PARVB: variants seen among roughly 807,000 people sequenced by gnomAD.
PARVB encodes parvin beta.
In PARVB, 46 loss-of-function variants were observed where a neutral mutation model predicts 47.0. That is an observed-to-expected ratio of 0.98 (90% confidence interval 0.77 to 1.25). PARVB has a LOEUF of 1.25. PARVB is among the 50% of genes most tolerant of loss of function. PARVB has a pLI of 0.00. For synonymous variants in PARVB, 196 were observed against 196.3 expected (o/e 1.00, Z 0.01); for missense variants, 473 against 471.6 (o/e 1.00, Z -0.03).
At chr22:44,022,751 T>A (rs1179074978), upstream of PARVB, among the ~76,000 whole-genome samples, 8 of 151,980 alleles carry the variant, frequency 5.3e-5, no homozygotes, top group East Asian at 1.9e-4. Context: ...TTTTTTATTT[T>A]TTTTTTATTT....
intron 4 of PARVB, among the ~76,000 whole-genome samples, chr22:44,122,586 G>GAGAGAGAGAGAGAC (rs2053093083): frequency 7.5e-6 from 1 of 134,220 alleles, no homozygotes; most frequent in Non-Finnish European, 1.6e-5. Context: ...GAGAGAGAGA[G>GAGAGAGAGAGAGAC]AGAGAGAGAG....
At chr22:44,085,061 C>G (rs1330621542) in intron 1 of PARVB, among the ~76,000 whole-genome samples, 1 of 152,184 alleles carries the variant, frequency 6.6e-6, no homozygotes, top group Non-Finnish European at 1.5e-5. Flanking sequence ...CCTTTCATTT[C>G]TTTTTCTGTG....
chr22:44,101,007 C>T (rs974582765), intron 3 of PARVB, among the ~76,000 whole-genome samples: 24 of 152,222 alleles, frequency 1.6e-4, no homozygotes, highest in Non-Finnish European at 2.9e-4. Flanking sequence ...TTTTAAAAAG[C>T]TTCTCCACCT....
chr22:44,030,181 C>T (rs2050800673), intron 1 of PARVB, among the ~76,000 whole-genome samples: 3 of 152,266 alleles, frequency 2.0e-5, no homozygotes, highest in Admixed American at 2.0e-4. Flanking sequence ...GCCTTTCCCC[C>T]CAGCAACGCC....
At chr22:44,111,126 G>A (rs564745368) in intron 3 of PARVB, 2 of 151,156 alleles carry the variant, frequency 1.3e-5, no homozygotes, top group Admixed American at 6.6e-5. Context: ...ACACAAATTT[G>A]GAATCATTCC....
chr22:44,059,265 C>T (rs368700598), intron 1 of PARVB, among the ~76,000 whole-genome samples: 3 of 151,498 alleles, frequency 2.0e-5, no homozygotes, highest in East Asian at 2.0e-4. Context: ...AGGCTGGTCA[C>T]GAACTCCTGG....
intron 1 of PARVB, among the ~76,000 whole-genome samples, chr22:44,027,156 T>TC (rs2050744970): frequency 6.6e-6 from 1 of 151,792 alleles, no homozygotes; most frequent in Admixed American, 6.6e-5. Context: ...CCCCCAGGGC[T>TC]CCCCACAGAA....
intron 10 of PARVB, chr22:44,152,203 G>T (rs550725966): frequency 6.6e-6 from 1 of 151,162 alleles, no homozygotes; most frequent in African/African-American, 2.4e-5. Flanking sequence ...AGGCTGGAGT[G>T]CAGTGGTGTG....
intron 2 of PARVB, among the ~76,000 whole-genome samples, chr22:44,002,280 T>G (rs925602583): frequency 6.6e-6 from 1 of 152,246 alleles, no homozygotes; most frequent in Non-Finnish European, 1.5e-5. Context: ...CCAAAGCTAA[T>G]TTTTTCAGCT....
chr22:44,005,966 C>T (rs1020111454), intron 2 of PARVB, among the ~76,000 whole-genome samples: 5 of 152,154 alleles, frequency 3.3e-5, no homozygotes, highest in African/African-American at 4.8e-5. Flanking sequence ...TTGTTCAAAA[C>T]GCCAAGACTC....
chr22:44,125,482 G>T lies in PARVB; in HGVS notation c.377-6005G>T, dbSNP rs2053167243. On this transcript the variant is annotated intron_variant, in intron 4 of 12. Transcript: ENST00000338758. The surrounding 1 kb of genome is among the most constrained non-coding windows in gnomAD (Gnocchi z 4.1). Reference sequence around the variant, plus strand: ...TGGGGTACAGTGGTGGGTGGGGGTTGGGGAAGGCAATCCAGGGAAGCTCCT... The same window carrying T: ...TGGGGTACAGTGGTGGGTGGGGGTTTGGGAAGGCAATCCAGGGAAGCTCCT... Among the ~76,000 whole-genome samples the T allele has an allele frequency of 6.6e-6, 1 of 152,168 alleles. No individual in the cohort carries two copies. The highest frequency in any genetic ancestry group is 1.5e-5 in the Non-Finnish European group (1 of 68,020).
At chr22:44,160,728 G>A (rs917100472) in intron 11 of PARVB, among the ~76,000 whole-genome samples, 5 of 152,214 alleles carry the variant, frequency 3.3e-5, no homozygotes, top group Non-Finnish European at 7.3e-5. Flanking sequence ...AAAGCAGAAG[G>A]AAAATCTCAC....
chr22:44,088,243 G>T (rs2052079322), intron 1 of PARVB, among the ~76,000 whole-genome samples: 1 of 152,150 alleles, frequency 6.6e-6, no homozygotes, highest in African/African-American at 2.4e-5. Context: ...AGGCAAGTTC[G>T]GGAAGGAGAT....
chr22:44,078,398 C>G (rs1037596745), intron 1 of PARVB, among the ~76,000 whole-genome samples: 2 of 152,136 alleles, frequency 1.3e-5, no homozygotes, highest in Admixed American at 6.6e-5. Flanking sequence ...ACTGAGTTCC[C>G]CTCTTCTCTG....
chr22:44,147,144 A>C, intron 8 of PARVB: 1 of 165,012 alleles, frequency 6.1e-6, no homozygotes, highest in South Asian at 1.6e-4. Flanking sequence ...GAGTGAAGTC[A>C]GGGAGGGTGC....
chr22:44,011,329 G>T (rs2050520802), intron 2 of PARVB, among the ~76,000 whole-genome samples: 1 of 152,014 alleles, frequency 6.6e-6, no homozygotes, highest in Non-Finnish European at 1.5e-5. Flanking sequence ...TTGGGTCCTT[G>T]TAGCCAGGCA....
intron 4 of PARVB, among the ~76,000 whole-genome samples, chr22:44,121,978 C>A (rs1313775120): frequency 6.6e-6 from 1 of 152,126 alleles, no homozygotes; most frequent in African/African-American, 2.4e-5. Context: ...TACAATATAT[C>A]CACTAAGAGT....
At chr22:44,037,937 TCCAGC>T (rs144173767) in intron 1 of PARVB, among the ~76,000 whole-genome samples, 17,120 of 152,174 alleles carry the variant, frequency 0.11, 1,007 homozygotes, top group African/African-American at 0.14. Context: ...CCAGCGCCTG[TCCAGC>T]CCAGCCCAGC....
intron 9 of PARVB, chr22:44,151,202 C>T: frequency 2.8e-6 from 1 of 354,934 alleles, no homozygotes; most frequent in Non-Finnish European, 5.4e-6. Flanking sequence ...GGGTGCTCTC[C>T]AGTATGATTG....
Sources: allele counts gnomAD v4.1 joint callset (sites outside exome capture counted in the v4.1 genomes callset), GRCh38; gene constraint gnomAD v4.1.1; non-coding constraint Gnocchi (gnomAD v3.1); transcripts MANE v1.5; gene names NCBI Gene and HGNC (gene_info 2026-07-23, HGNC 2026-07-21).